Variants in RSU1 observed in about 807,000 individuals in gnomAD.
The protein encoded by RSU1 is Ras suppressor protein 1.
In RSU1, 26 loss-of-function variants were observed where a neutral mutation model predicts 31.1. The observed-to-expected ratio is 0.84, with a 90% CI of 0.61 to 1.16. The LOEUF is 1.16. Ranked by LOEUF, RSU1 falls within the 50% of genes most tolerant of loss-of-function variation. The pLI, the probability that RSU1 is intolerant of heterozygous loss-of-function variation, is 0.00. For missense variants in RSU1, 320 were observed against 339.1 expected, an observed-to-expected ratio of 0.94 and a Z score of 0.44; for synonymous variants, 164 against 136.3, an observed-to-expected ratio of 1.20 and a Z score of -1.41.
intron 3 of RSU1, among the ~76,000 whole-genome samples, chr10:16,769,532 C>T (rs930008080): frequency 3.9e-5 from 6 of 152,148 alleles, no homozygotes; most frequent in Admixed American, 1.3e-4. Flanking sequence ...ACCACAGAGA[C>T]GTCAGAATCA....
chr10:16,741,834 T>TA (rs749744921), intron 7 of RSU1, among the ~76,000 whole-genome samples: 3 of 152,170 alleles, frequency 2.0e-5, no homozygotes, highest in Non-Finnish European at 4.4e-5. Flanking sequence ...GAGGGTGGCT[T>TA]AAACCAATGT....
At chr10:16,678,581 AG>A (rs1368955705) in intron 8 of RSU1, among the ~76,000 whole-genome samples, 1 of 152,224 alleles carries the variant, frequency 6.6e-6, no homozygotes, top group Non-Finnish European at 1.5e-5. Flanking sequence ...CCAGTTACAA[AG>A]CCACATTCTT....
intron 7 of RSU1, among the ~76,000 whole-genome samples, chr10:16,715,353 G>T (rs976227877): frequency 6.6e-6 from 1 of 152,104 alleles, no homozygotes; most frequent in Admixed American, 6.6e-5. Flanking sequence ...TGTGCCTTTG[G>T]TGTCATAGCC....
chr10:16,701,475 C>T (rs1835791569), intron 7 of RSU1, among the ~76,000 whole-genome samples: 1 of 152,202 alleles, frequency 6.6e-6, no homozygotes, highest in South Asian at 2.1e-4. Flanking sequence ...ATTCCGGCAA[C>T]TGTCTGCTTG....
intron 7 of RSU1, among the ~76,000 whole-genome samples, chr10:16,715,939 T>C (rs1836130694): frequency 6.6e-6 from 1 of 152,186 alleles, no homozygotes; most frequent in African/African-American, 2.4e-5. Context: ...TTTTAGCAGG[T>C]TGCATTTAAA....
At chr10:16,817,151 C>T in intron 1 of RSU1, 67 bp from the exon 2 acceptor site, 2 of 1,137,570 alleles carry the variant, frequency 1.8e-6, no homozygotes, top group Non-Finnish European at 2.7e-6. Context: ...GGCAAGAGGC[C>T]TTCGCTGCCA....
At position 16,682,867 on chromosome 10, in the gene RSU1, A is replaced by C. The variant is rs536502316; in HGVS notation, c.731+12156T>G. Among the ~76,000 whole-genome samples, 4 of 152,200 alleles carry C rather than the reference A, an allele frequency of 2.6e-5. No individual in the cohort carries two copies. The East Asian group carries it at 7.7e-4, about 29-fold the overall frequency. Reference sequence around the variant, plus strand: ...TCCCATCACATGACACAGACCCTCCACACCGCACATGCCCTCCTTATGAGT... The same window carrying C: ...TCCCATCACATGACACAGACCCTCCCCACCGCACATGCCCTCCTTATGAGT... On this transcript the variant is annotated intron_variant, in intron 8 of 8. Transcript: ENST00000345264.
intron 8 of RSU1, among the ~76,000 whole-genome samples, chr10:16,666,067 T>C (rs1279923046): frequency 6.6e-6 from 1 of 152,226 alleles, no homozygotes; most frequent in East Asian, 1.9e-4. Flanking sequence ...ATCTGCATTT[T>C]TGGCTTATGC....
chr10:16,696,673 C>T (rs938472851), intron 7 of RSU1, among the ~76,000 whole-genome samples: 8 of 152,170 alleles, frequency 5.3e-5, no homozygotes, highest in African/African-American at 9.7e-5. Flanking sequence ...AATGGTTAAA[C>T]ATCGTTAGTC....
At chr10:16,684,387 C>T in intron 8 of RSU1, among the ~76,000 whole-genome samples, 1 of 152,044 alleles carries the variant, frequency 6.6e-6, no homozygotes, top group Non-Finnish European at 1.5e-5. Flanking sequence ...CGAATTTTGG[C>T]AAGATAAAAA....
chr10:16,685,899 A>G (rs897128074), intron 8 of RSU1, among the ~76,000 whole-genome samples: 1 of 152,248 alleles, frequency 6.6e-6, no homozygotes, highest in Non-Finnish European at 1.5e-5. Context: ...AAAAATATCA[A>G]GAGTCTTATA....
intron 8 of RSU1, among the ~76,000 whole-genome samples, chr10:16,639,179 A>G (rs1666557157): frequency 6.6e-6 from 1 of 152,232 alleles, no homozygotes; most frequent in South Asian, 2.1e-4. Context: ...ACTGCTAATA[A>G]AACTGTGGCT....
At chr10:16,662,272 G>A (rs1834902995) in intron 8 of RSU1, among the ~76,000 whole-genome samples, 1 of 152,182 alleles carries the variant, frequency 6.6e-6, no homozygotes, top group Admixed American at 6.5e-5. Context: ...TACTTCATGT[G>A]CCCATGGTGT....
At chr10:16,709,455 T>C (rs1050074718) in intron 7 of RSU1, among the ~76,000 whole-genome samples, 4 of 152,296 alleles carry the variant, frequency 2.6e-5, no homozygotes, top group African/African-American at 9.6e-5. Flanking sequence ...GCAATAAACA[T>C]ACGTGTGCAT....
intron 8 of RSU1, among the ~76,000 whole-genome samples, chr10:16,654,876 T>C (rs946054134): frequency 7.3e-5 from 11 of 151,334 alleles, no homozygotes; most frequent in African/African-American, 2.2e-4. Flanking sequence ...CTGGGCAACA[T>C]AGTGAGACCT....
chr10:16,616,395 A>AC (rs976984144), intron 8 of RSU1, among the ~76,000 whole-genome samples: 1 of 143,762 alleles, frequency 7.0e-6, no homozygotes, highest in African/African-American at 2.7e-5. Flanking sequence ...AAAAAAAAAA[A>AC]CCCCAGGACC....
chr10:16,759,680 G>A (rs553439829), intron 4 of RSU1, among the ~76,000 whole-genome samples: 28 of 152,212 alleles, frequency 1.8e-4, no homozygotes, highest in African/African-American at 6.7e-4. Flanking sequence ...TCATCAACAT[G>A]GATAATTGTT....
intron 2 of RSU1, among the ~76,000 whole-genome samples, chr10:16,801,540 C>G (rs1468099412): frequency 2.0e-5 from 3 of 152,116 alleles, no homozygotes; most frequent in African/African-American, 7.2e-5. Context: ...CATCTATCAG[C>G]TGGATATAAT....
Position 16,593,221 on chromosome 10 carries a change from C to CCCA in RSU1, c.*170_*172dup, listed in dbSNP as rs1833541437. On this transcript the variant is annotated 3_prime_UTR_variant, in exon 9 of 9. Transcript: ENST00000345264. The stretch of plus-strand genomic sequence containing the variant: ...TGGTTTAAAGACCTTATAACAATCT[C>CCCA]CCACCTAGCAAAAGAATCTAAAAGG... 1.6e-6 allele frequency: 2 copies of CCCA among 1,263,758 alleles called. No individual in the cohort carries two copies. The highest frequency in any genetic ancestry group is 2.1e-6 in the Non-Finnish European group (2 of 946,710). 78.3% of individuals were successfully genotyped at this position (1,263,758 alleles called of 1,614,324 possible).
Sources: allele counts gnomAD v4.1 joint callset (sites outside exome capture counted in the v4.1 genomes callset), GRCh38; gene constraint gnomAD v4.1.1; transcripts MANE v1.5; gene names NCBI Gene and HGNC (gene_info 2026-07-23, HGNC 2026-07-21).